SHANK2: variants seen among roughly 807,000 people sequenced by gnomAD.
SHANK2 encodes the protein SH3 and multiple ankyrin repeat domains protein 2.
A neutral mutation model predicts 133.7 loss-of-function variants in SHANK2; 43 were observed. The ratio of observed to expected loss-of-function variants is 0.32; its 90% CI spans 0.25 to 0.41. The LOEUF (loss-of-function observed/expected upper bound fraction) is 0.41, where lower values mean the gene tolerates loss of function less well. Among genes scored for constraint, SHANK2 ranks in the 10% least tolerant of loss-of-function variants. The pLI, the probability that SHANK2 is intolerant of heterozygous loss-of-function variation, is 1.00. For missense variants in SHANK2, 1,994 were observed against 2,235.8 expected, an observed-to-expected ratio of 0.89 and a Z score of 2.18; for synonymous variants, 1,017 against 952.8, an observed-to-expected ratio of 1.07 and a Z score of -1.24.
Position 71,203,073 on chromosome 11 carries a change from C to T in SHANK2, c.-13+21624G>A, listed in dbSNP as rs547791319. Among the ~76,000 whole-genome samples, 35 of 152,246 alleles carry T rather than the reference C, an allele frequency of 2.3e-4. 1 individual carries two copies. The highest frequency in any genetic ancestry group is 6.3e-4 in the African/African-American group (26 of 41,548). ...ACAGGCATGCTCATGGAGCAGGTGGCCCTGTGGGGTTCCAGTGATCTCAGG... is the reference window on the plus strand; with the variant it reads ...ACAGGCATGCTCATGGAGCAGGTGGTCCTGTGGGGTTCCAGTGATCTCAGG... On this transcript the variant is annotated intron_variant, in intron 2 of 25. Coordinates refer to ENST00000601538, the MANE Select transcript of SHANK2 (RefSeq NM_012309.5).
intron 13 of SHANK2, among the ~76,000 whole-genome samples, chr11:70,802,705 G>A (rs1948072376): frequency 6.6e-6 from 1 of 152,218 alleles, no homozygotes; most frequent in South Asian, 2.1e-4. Flanking sequence ...ACCTGGAGGA[G>A]CTTCAGAAAA....
chr11:70,504,900 A>C (rs1352792221), intron 17 of SHANK2, among the ~76,000 whole-genome samples: 1 of 151,986 alleles, frequency 6.6e-6, no homozygotes, highest in Non-Finnish European at 1.5e-5. Context: ...TCCCATGAGC[A>C]CACCCGGGTA....
At chr11:70,590,119 G>T (rs551618674) in intron 17 of SHANK2, among the ~76,000 whole-genome samples, 1 of 152,136 alleles carries the variant, frequency 6.6e-6, no homozygotes, top group East Asian at 1.9e-4. Context: ...CAGAGATTGC[G>T]TCACTGCACT....
intron 14 of SHANK2, among the ~76,000 whole-genome samples, chr11:70,703,433 T>C (rs1276828130): frequency 6.6e-6 from 1 of 152,162 alleles, no homozygotes; most frequent in Non-Finnish European, 1.5e-5. Flanking sequence ...AGCCTCGGTT[T>C]CTAACCTGGA....
chr11:70,693,430 T>C lies in SHANK2; in HGVS notation c.1853+5258A>G, dbSNP rs547555648. 2.0e-5 allele frequency among the ~76,000 whole-genome samples: 3 copies of C among 152,260 alleles called. No individual in the cohort carries two copies. In the South Asian group the frequency reaches 6.2e-4, roughly 32 times the overall value. ...ACTTGCTGAACCTTCTCTTGAGGGG[T>C]GATTCCTCCTCAATCTTTGTGTTTC... On this transcript the variant is annotated intron_variant, in intron 15 of 25. Coordinates refer to ENST00000601538, the MANE Select transcript of SHANK2 (RefSeq NM_012309.5).
intron 17 of SHANK2, among the ~76,000 whole-genome samples, chr11:70,652,793 G>C (rs1432262043): frequency 1.3e-5 from 2 of 152,168 alleles, no homozygotes; most frequent in African/African-American, 2.4e-5. Flanking sequence ...CTGGGCAACA[G>C]AGCAAGATCC....
chr11:70,917,675 T>A (rs1950288298), intron 10 of SHANK2, among the ~76,000 whole-genome samples: 1 of 152,138 alleles, frequency 6.6e-6, no homozygotes, highest in African/African-American at 2.4e-5. Flanking sequence ...TACGCAGCCA[T>A]AAAAAAGAAC....
intron 17 of SHANK2, among the ~76,000 whole-genome samples, chr11:70,545,265 T>C (rs1467965064): frequency 6.6e-6 from 1 of 152,256 alleles, no homozygotes; most frequent in East Asian, 1.9e-4. Flanking sequence ...TCAGCTCCTT[T>C]GTGTGCCAGT....
At chr11:70,809,125 C>T (rs540944932) in intron 12 of SHANK2, among the ~76,000 whole-genome samples, 4 of 152,216 alleles carry the variant, frequency 2.6e-5, no homozygotes, top group Non-Finnish European at 5.9e-5. Context: ...CGCATCTACA[C>T]GGAGGAAGTT....
At chr11:70,768,550 G>C (rs1947175990) in intron 14 of SHANK2, among the ~76,000 whole-genome samples, 1 of 152,200 alleles carries the variant, frequency 6.6e-6, no homozygotes, top group South Asian at 2.1e-4. Context: ...CTGCAGGAGT[G>C]AGGGCCGGAA....
At chr11:70,914,088 C>T (rs887308389) in intron 10 of SHANK2, among the ~76,000 whole-genome samples, 4 of 152,266 alleles carry the variant, frequency 2.6e-5, no homozygotes, top group East Asian at 1.9e-4. Flanking sequence ...AAGGAGTTGT[C>T]GGGCCCTCAA....
At chr11:70,571,006 A>G (rs1161523707) in intron 17 of SHANK2, among the ~76,000 whole-genome samples, 2 of 152,106 alleles carry the variant, frequency 1.3e-5, no homozygotes, top group Non-Finnish European at 2.9e-5. Flanking sequence ...GGGTGTTAGC[A>G]TTTCTTTCTT....
intron 17 of SHANK2, chr11:70,654,000 T>C (rs1368072863): frequency 7.9e-5 from 12 of 152,192 alleles, no homozygotes; most frequent in African/African-American, 2.9e-4. Flanking sequence ...CTGACTTAAA[T>C]ACAAACCACG....
intron 11 of SHANK2, among the ~76,000 whole-genome samples, chr11:70,876,826 A>C (rs929574045): frequency 1.3e-5 from 2 of 152,116 alleles, no homozygotes; most frequent in Non-Finnish European, 2.9e-5. Flanking sequence ...GGGATGTTCC[A>C]TCAGAAGGGG....
intron 14 of SHANK2, among the ~76,000 whole-genome samples, chr11:70,753,012 C>G (rs1442698700): frequency 6.6e-6 from 1 of 151,894 alleles, no homozygotes; most frequent in African/African-American, 2.4e-5. Flanking sequence ...ACTTGAGAGG[C>G]TGAGGCAGGA....
chr11:70,860,331 G>C (rs1555067566), intron 11 of SHANK2, among the ~76,000 whole-genome samples: 1 of 152,190 alleles, frequency 6.6e-6, no homozygotes, highest in Non-Finnish European at 1.5e-5. Context: ...CTTAGGCCAT[G>C]TTATCCTCGT....
chr11:70,571,749 G>C (rs782027938), intron 17 of SHANK2, among the ~76,000 whole-genome samples: 1 of 152,078 alleles, frequency 6.6e-6, no homozygotes, highest in Non-Finnish European at 1.5e-5. Flanking sequence ...AGGGTGGTGC[G>C]TGCAGGGAGA....
In SHANK2 at chr11:71,094,230, G is replaced by A. The variant is rs142747412; in HGVS notation, c.744+307C>T. Among the ~76,000 whole-genome samples, 605 of 152,268 alleles carry A rather than the reference G, an allele frequency of 4.0e-3. 3 individuals carry two copies. The highest frequency in any genetic ancestry group is 0.014 in the African/African-American group (584 of 41,536). On this transcript the variant is annotated intron_variant, in intron 7 of 25. Transcript: ENST00000601538. ...ATGATCATGAGTGAGTCTTCCTGTG[G>A]ATGGGGTTGGGGTTCACCACTGGCC...
chr11:70,890,503 AAAC>A (rs1949823527), intron 11 of SHANK2, among the ~76,000 whole-genome samples: 1 of 149,012 alleles, frequency 6.7e-6, no homozygotes, highest in Non-Finnish European at 1.5e-5. Context: ...AAAACAAAAA[AAAC>A]AAAAAAACAG....
Sources: allele counts gnomAD v4.1 joint callset (sites outside exome capture counted in the v4.1 genomes callset), GRCh38; gene constraint gnomAD v4.1.1; transcripts MANE v1.5; gene names NCBI Gene and HGNC (gene_info 2026-07-23, HGNC 2026-07-21).